VIL1: variants seen among roughly 807,000 people sequenced by gnomAD.
The protein encoded by VIL1 is villin 1.
VIL1 carries 86 observed loss-of-function variants against 104.0 expected under a neutral mutation model. That is an observed-to-expected ratio of 0.83 (90% CI 0.69 to 0.99). VIL1 has a LOEUF of 0.99. Among genes scored for constraint, VIL1 ranks in the 50% least tolerant of loss-of-function variants. The pLI, the probability that VIL1 is intolerant of heterozygous loss-of-function variation, is 0.00. For synonymous variants in VIL1, 394 were observed against 412.6 expected (o/e 0.95, Z 0.55); for missense variants, 944 against 1,054.1 (o/e 0.90, Z 1.45).
Position 218,438,739 on chromosome 2 carries a change from C to G in VIL1, c.2229+13C>G. 6.2e-7 allele frequency: 1 copy of G among 1,607,464 alleles called. No individual in the cohort carries two copies. Among genetic ancestry groups the G allele is most frequent in the Non-Finnish European group, 8.5e-7 (1 of 1,178,074 alleles). ...CCAGATCACTGCTGTGAGTCCGGGG[C>G]GGGGTGGCTGGGCCCTGCAGTGGCC... On this transcript the variant is annotated intron_variant, in intron 18 of 19. Coordinates refer to ENST00000248444, the MANE Select transcript of VIL1 (RefSeq NM_007127.3).
intron 1 of VIL1, among the ~76,000 whole-genome samples, chr2:218,422,334 C>T (rs1688909956): frequency 6.6e-6 from 1 of 152,140 alleles, no homozygotes; most frequent in Admixed American, 6.6e-5. Context: ...AGAAAACGGT[C>T]TCCTCCTTTA....
rs1443468344 is a variant in VIL1 at position 218,452,859 on chromosome 2, G to T, written c.*3523G>T. On this transcript the variant is annotated 3_prime_UTR_variant, in exon 20 of 20. Transcript: ENST00000248444. ...GTAAAAGAATTAATAACTAGCCAAA[G>T]AATTTTATCACCGCTTCACTCATTT... 3 of 152,130 alleles carry T rather than the reference G, an allele frequency of 2.0e-5. No homozygotes were observed. The highest frequency in any genetic ancestry group is 4.4e-5 in the Non-Finnish European group (3 of 68,014). 9.4% of individuals were successfully genotyped at this position (152,130 alleles called of 1,614,324 possible).
intron 19 of VIL1, among the ~76,000 whole-genome samples, chr2:218,445,274 C>G (rs1421994879): frequency 2.6e-5 from 4 of 152,060 alleles, no homozygotes; most frequent in Non-Finnish European, 5.9e-5. Context: ...GTGGCGTGCA[C>G]CTGTAGTCCC....
chr2:218,445,993 C>T (rs1246621777), intron 19 of VIL1, among the ~76,000 whole-genome samples: 1 of 152,268 alleles, frequency 6.6e-6, no homozygotes, highest in East Asian at 1.9e-4. Context: ...CTGGATCATT[C>T]ACAGGATGAC....
intron 13 of VIL1, among the ~76,000 whole-genome samples, chr2:218,434,197 C>CAAAAAAAAAAAAAAA (rs772237911): frequency 2.3e-4 from 21 of 92,064 alleles, no homozygotes; most frequent in African/African-American, 4.8e-4. Context: ...AACTCCGTCT[C>CAAAAAAAAAAAAAAA]AAAAAAAAAA....
Position 218,450,833 on chromosome 2 carries a change from C to T in VIL1, c.*1497C>T, listed in dbSNP as rs1004798591. 1 of 152,186 alleles carries T rather than the reference C, an allele frequency of 6.6e-6. No individual in the cohort carries two copies. The highest frequency in any genetic ancestry group is 2.4e-5 in the African/African-American group (1 of 41,446). 9.4% of individuals were successfully genotyped at this position (152,186 alleles called of 1,614,324 possible). A position where few individuals can be genotyped will look rare whatever the true frequency, so the allele number is the denominator to read the frequency against. On this transcript the variant is annotated 3_prime_UTR_variant, in exon 20 of 20. Coordinates refer to ENST00000248444, the MANE Select transcript of VIL1 (RefSeq NM_007127.3). ...TAAGAAAAGTCCAATGTTACAAAAT[C>T]AAATGCTTATATTCAGACTGGCACA...
At chr2:218,436,081 C>T (rs1187331826) in intron 15 of VIL1, among the ~76,000 whole-genome samples, 2 of 152,140 alleles carry the variant, frequency 1.3e-5, no homozygotes, top group African/African-American at 4.8e-5. Context: ...TCAGGTGATC[C>T]ACCTGCCTCA....
intron 12 of VIL1, chr2:218,432,581 G>T (rs141149146): frequency 5.0e-5 from 40 of 794,768 alleles, no homozygotes; most frequent in Non-Finnish European, 8.5e-5. Context: ...GGGCTGGGCT[G>T]GGTCTGGGAA....
In VIL1 at chr2:218,420,428, CAAAAAAAAAA is replaced by C. The variant is rs71064447; in HGVS notation, c.-12+1270_-12+1279del. Among the ~76,000 whole-genome samples, 8 of 80,218 alleles carry C rather than the reference CAAAAAAAAAA, an allele frequency of 1.0e-4. No homozygotes were observed. The East Asian group carries it at 2.5e-3, about 25-fold the overall frequency. The allele number at this position is 80,218 out of a possible 152,430, so 52.6% of individuals were successfully genotyped here. ...TGGGTGACAGAGTGAGACTCTGTCT[CAAAAAAAAAA>C]AAAAAAAAAGAAAAGAAAAAAAGAA... On this transcript the variant is annotated intron_variant, in intron 1 of 19. Transcript: ENST00000248444.
Position 218,451,065 on chromosome 2 carries a change from A to AT in VIL1, c.*1729_*1730insT, listed in dbSNP as rs1268455495. ...AACAAATTAGAATTTTCCAATAAAA[A>AT]ATATATATTTTTTCAGATGTTAATA... On this transcript the variant is annotated 3_prime_UTR_variant, in exon 20 of 20. Transcript: ENST00000248444. 1.3e-5 allele frequency: 2 copies of AT among 152,170 alleles called. No homozygotes were observed. The highest frequency in any genetic ancestry group is 6.6e-5 in the Admixed American group (1 of 15,256). The allele number at this position is 152,170 out of a possible 1,614,324, so 9.4% of individuals were successfully genotyped here. A position where few individuals can be genotyped will look rare whatever the true frequency, so the allele number is the denominator to read the frequency against.
At position 218,425,747 on chromosome 2, in the gene VIL1, C is replaced by G; in HGVS notation, c.283C>G (p.Gln95Glu). The G allele has an allele frequency of 6.2e-7, 1 of 1,614,144 alleles. No individual in the cohort carries two copies. The highest frequency in any genetic ancestry group is 1.1e-5 in the South Asian group (1 of 91,080). The change falls in exon 4 of 20, where the codon CAG (glutamine) becomes GAG (glutamate). Residue 95 changes from glutamine to glutamate, a missense_variant. Physicochemically the swap from Gln to Glu is conservative, Grantham distance 29. Transcript: ENST00000248444. ...TGACTTCCTGAAGGGCCGGGCTGTG[C>G]AGCACCGCGAGGTCCAGGGCAACGA... is the stretch of plus-strand genomic sequence containing the variant. ...MDDFLKGRAV[Q>E]HREVQGNESE...
chr2:218,424,663 A>T (rs2004348), intron 3 of VIL1, among the ~76,000 whole-genome samples: 2,039 of 148,992 alleles, frequency 0.014, 51 homozygotes, highest in African/African-American at 0.05. Flanking sequence ...TTCTTTTTTT[A>T]AAATTTTTTT....
intron 19 of VIL1, among the ~76,000 whole-genome samples, chr2:218,442,452 G>A (rs1199000324): frequency 6.6e-6 from 1 of 152,128 alleles, no homozygotes; most frequent in African/African-American, 2.4e-5. Flanking sequence ...TGTATGTGTG[G>A]GGAATGGAGT....
At chr2:218,420,163 C>T (rs2106388588) in intron 1 of VIL1, among the ~76,000 whole-genome samples, 1 of 152,236 alleles carries the variant, frequency 6.6e-6, no homozygotes. Context: ...GGTGCAGAGC[C>T]TCATGCTTGG....
intron 5 of VIL1, 43 bp downstream of exon 5, chr2:218,428,116 C>A (rs1418870749): frequency 6.2e-7 from 1 of 1,605,148 alleles, no homozygotes; most frequent in East Asian, 2.2e-5. Context: ...CTGTGAGGCC[C>A]AGGGTGGAGG....
At chr2:218,430,908 C>A in intron 10 of VIL1, 30 bp downstream of exon 10, 2 of 1,594,058 alleles carry the variant, frequency 1.3e-6, no homozygotes, top group East Asian at 2.3e-5. Context: ...AGTGAGGGAG[C>A]CAGGATCCAG....
At chr2:218,432,761 A>C in intron 12 of VIL1, 32 bp from the exon 13 acceptor site, 1 of 1,612,994 alleles carries the variant, frequency 6.2e-7, no homozygotes, top group Non-Finnish European at 8.5e-7. Flanking sequence ...GGGCTGACCC[A>C]ATCCCACTCA....
chr2:218,427,154 G>A (rs997977655), intron 4 of VIL1, among the ~76,000 whole-genome samples: 1 of 152,122 alleles, frequency 6.6e-6, no homozygotes, highest in Non-Finnish European at 1.5e-5. Context: ...ACAGGCTGAG[G>A]GCTCTCTAAT....
chr2:218,447,053 C>T lies in VIL1; in HGVS notation c.2371-2170C>T, dbSNP rs143758947. Among the ~76,000 whole-genome samples the T allele has an allele frequency of 2.2e-3, 337 of 152,274 alleles. 1 individual carries two copies. The highest frequency in any genetic ancestry group is 7.7e-3 in the African/African-American group (321 of 41,560). On this transcript the variant is annotated intron_variant, in intron 19 of 19. Transcript: ENST00000248444. The stretch of plus-strand genomic sequence containing the variant: ...TGTTGGGATTACAGGTGTGAGCCAA[C>T]GCGCCCGGCCTGACTTTCTTAAACT...
Sources: gnomAD v4.1 joint callset for allele counts (sites outside exome capture counted in the v4.1 genomes callset) on GRCh38, gnomAD v4.1.1 for gene constraint, MANE v1.5 for transcripts, NCBI Gene and HGNC (gene_info 2026-07-23, HGNC 2026-07-21) for gene names.